CNTN6: variants seen among roughly 807,000 people sequenced by gnomAD.
CNTN6 encodes the protein contactin 6.
A neutral mutation model predicts 122.8 loss-of-function variants in CNTN6; 137 were observed. The ratio of observed to expected loss-of-function variants is 1.12; its 90% CI spans 0.97 to 1.29. The LOEUF is 1.29. Ranked by LOEUF, CNTN6 falls within the 50% of genes most tolerant of loss-of-function variation. The pLI is 0.00. For synonymous variants in CNTN6, 570 were observed against 426.0 expected (o/e 1.34, Z -4.16); for missense variants, 1,634 against 1,223.4 (o/e 1.34, Z -5.01).
At chr3:1,103,058 A>C (rs1288281532) in intron 1 of CNTN6, among the ~76,000 whole-genome samples, 1 of 151,858 alleles carries the variant, frequency 6.6e-6, no homozygotes, top group Non-Finnish European at 1.5e-5. Context: ...GTGAGCCAAG[A>C]TGGCGCCACC....
intron 1 of CNTN6, among the ~76,000 whole-genome samples, chr3:1,125,024 G>T (rs1371412093): frequency 1.1e-4 from 17 of 151,994 alleles, no homozygotes; most frequent in African/African-American, 3.6e-4. Context: ...TTAAGTTATA[G>T]AATGAATACA....
At chr3:1,391,957 TATC>T (rs1357985611) in intron 20 of CNTN6, among the ~76,000 whole-genome samples, 79 of 152,146 alleles carry the variant, frequency 5.2e-4, no homozygotes, top group African/African-American at 1.9e-3. Flanking sequence ...GAAGAATCAA[TATC>T]ATGAAAATGG....
chr3:1,366,292 A>G (rs41517549), intron 12 of CNTN6, among the ~76,000 whole-genome samples: 26,726 of 152,186 alleles, frequency 0.18, 3,496 homozygotes, highest in East Asian at 0.62. Context: ...AATTTTTACA[A>G]ACGATAGAGT....
chr3:1,216,728 A>G (rs1045432580), intron 2 of CNTN6, among the ~76,000 whole-genome samples: 12 of 152,336 alleles, frequency 7.9e-5, no homozygotes, highest in African/African-American at 2.6e-4. Context: ...TAGGTCACTG[A>G]GGAAAGGTGC....
intron 2 of CNTN6, among the ~76,000 whole-genome samples, chr3:1,195,134 C>G (rs1336022488): frequency 6.6e-6 from 1 of 152,092 alleles, no homozygotes; most frequent in Non-Finnish European, 1.5e-5. Flanking sequence ...GCCTCTGCAC[C>G]CCAGAATCTG....
intron 4 of CNTN6, among the ~76,000 whole-genome samples, chr3:1,253,508 C>G (rs1005232101): frequency 2.6e-5 from 4 of 152,136 alleles, no homozygotes; most frequent in African/African-American, 9.7e-5. Flanking sequence ...ATTGGTTAAG[C>G]AGTCATGCGT....
chr3:1,202,030 C>T (rs1021864), intron 2 of CNTN6, among the ~76,000 whole-genome samples: 82,119 of 151,992 alleles, frequency 0.54, 23,270 homozygotes, highest in East Asian at 0.81. Flanking sequence ...ACATTTATAA[C>T]GGCATAAAAT....
intron 3 of CNTN6, among the ~76,000 whole-genome samples, chr3:1,227,413 T>C (rs71309806): frequency 0.11 from 16,364 of 152,254 alleles, 966 homozygotes; most frequent in African/African-American, 0.13. Context: ...TATACGCTTC[T>C]TGAATTCCTA....
intron 1 of CNTN6, among the ~76,000 whole-genome samples, chr3:1,095,002 G>A (rs943743379): frequency 3.3e-5 from 5 of 152,018 alleles, no homozygotes; most frequent in African/African-American, 1.2e-4. Flanking sequence ...GAAATTTGGC[G>A]ACTATCATTG....
intron 1 of CNTN6, among the ~76,000 whole-genome samples, chr3:1,099,490 C>A (rs986590994): frequency 2.0e-5 from 3 of 152,052 alleles, no homozygotes; most frequent in Non-Finnish European, 4.4e-5. Flanking sequence ...AAATACAGTT[C>A]TAGGATATAT....
chr3:1,383,111 G>T lies in CNTN6; in HGVS notation c.2336G>T (p.Gly779Val). The T allele has an allele frequency of 6.2e-7, 1 of 1,614,056 alleles. No homozygotes were observed. Among genetic ancestry groups the T allele is most frequent in the Non-Finnish European group, 8.5e-7 (1 of 1,179,942 alleles). The change falls in exon 18 of 23, where the codon GGT (glycine) becomes GTT (valine). Residue 779 changes from glycine to valine, a missense_variant. Transcript: ENST00000446702. ...IPLSPFEVKV[G>V]VYNNEGEGSL... is the part of the protein sequence containing the mutation. ...CTGTCTCCCTTTGAAGTCAAAGTGG[G>T]TGTGTATAATAATGAAGGAGAAGGA...
chr3:1,304,262 A>G (rs546962689), intron 7 of CNTN6, among the ~76,000 whole-genome samples: 9 of 149,394 alleles, frequency 6.0e-5, no homozygotes, highest in Admixed American at 2.7e-4. Context: ...TGTGTTGCCA[A>G]TTGTTCAAGT....
chr3:1,374,114 A>G, intron 16 of CNTN6, 41 bp downstream of exon 16: 1 of 1,582,866 alleles, frequency 6.3e-7, no homozygotes, highest in Non-Finnish European at 8.6e-7. Flanking sequence ...AAGATTTCGT[A>G]TGATACAGTT....
intron 4 of CNTN6, among the ~76,000 whole-genome samples, chr3:1,270,945 C>T (rs1209752037): frequency 6.6e-6 from 1 of 152,180 alleles, no homozygotes; most frequent in Non-Finnish European, 1.5e-5. Flanking sequence ...CTCTGTCACC[C>T]AGGCTAGAGT....
At chr3:1,114,252 G>A (rs2091613349) in intron 1 of CNTN6, among the ~76,000 whole-genome samples, 1 of 152,126 alleles carries the variant, frequency 6.6e-6, no homozygotes, top group African/African-American at 2.4e-5. Context: ...ATTAATTGAA[G>A]AATTCTTTAT....
At chr3:1,258,395 C>T (rs1270041811) in intron 4 of CNTN6, among the ~76,000 whole-genome samples, 1 of 152,038 alleles carries the variant, frequency 6.6e-6, no homozygotes. Flanking sequence ...AGTGTCAAAG[C>T]TTAGCAATAA....
rs955001214 is a variant in CNTN6, at chr3:1,093,094, C to T, written c.-109C>T. Reference sequence around the variant, plus strand: ...CTTGAAACAGAGTTCTGCAGAAAAACTGTAAAGATCCCGAGACATTTCCCT... The same window carrying T: ...CTTGAAACAGAGTTCTGCAGAAAAATTGTAAAGATCCCGAGACATTTCCCT... On this transcript the variant is annotated 5_prime_UTR_variant, in exon 1 of 23. Transcript: ENST00000446702. 5 of 297,666 alleles carry T rather than the reference C, an allele frequency of 1.7e-5. No individual in the cohort carries two copies. Among genetic ancestry groups the T allele is most frequent in the African/African-American group, 1.1e-4 (5 of 45,678 alleles). The allele number at this position is 297,666 out of a possible 1,614,324, so 18.4% of individuals were successfully genotyped here.
chr3:1,400,263 A>G (rs115951873), intron 20 of CNTN6, among the ~76,000 whole-genome samples: 39 of 152,206 alleles, frequency 2.6e-4, no homozygotes, highest in Non-Finnish European at 5.3e-4. Context: ...TTCAATCTCA[A>G]AAATAGTCAT....
chr3:1,212,762 CT>C (rs1246098352), intron 2 of CNTN6, among the ~76,000 whole-genome samples: 2 of 151,970 alleles, frequency 1.3e-5, no homozygotes, highest in African/African-American at 4.8e-5. Context: ...ATTGTTCTTG[CT>C]TTCTGATTGT....
Sources: gnomAD v4.1 joint callset for allele counts (sites outside exome capture counted in the v4.1 genomes callset) on GRCh38, gnomAD v4.1.1 for gene constraint, MANE v1.5 for transcripts, NCBI Gene and HGNC (gene_info 2026-07-23, HGNC 2026-07-21) for gene names.